RAD54B: variants seen among roughly 807,000 people sequenced by gnomAD.
RAD54B encodes RAD54 homolog B, also known as DNA repair and recombination protein RAD54B.
In RAD54B, 78 loss-of-function variants were observed where a neutral mutation model predicts 95.8. That is an observed-to-expected ratio of 0.81 (90% CI 0.68 to 0.98). The LOEUF (loss-of-function observed/expected upper bound fraction) is 0.98, where lower values mean the gene tolerates loss of function less well. RAD54B is among the 50% of genes least tolerant of loss of function. The probability of loss-of-function intolerance (pLI) is 0.00; values close to 1 mark genes in which losing one functional copy is unlikely to be tolerated. For synonymous variants in RAD54B, 328 were observed against 354.9 expected (o/e 0.92, Z 0.85); for missense variants, 957 against 1,056.6 (o/e 0.91, Z 1.31).
chr8:94,383,103 C>G (rs976373314), intron 11 of RAD54B, among the ~76,000 whole-genome samples: 4 of 151,948 alleles, frequency 2.6e-5, no homozygotes, highest in Admixed American at 2.6e-4. Context: ...TTGAGACCAA[C>G]CTGGGCAACA....
chr8:94,425,037 G>A (rs916152152), intron 3 of RAD54B, among the ~76,000 whole-genome samples: 5 of 133,150 alleles, frequency 3.8e-5, no homozygotes, highest in African/African-American at 1.4e-4. Context: ...ACTCCAGCCT[G>A]GGTGACAGAG....
Position 94,372,651 on chromosome 8 carries a change from T to A in RAD54B, c.2516-264A>T, listed in dbSNP as rs73270145. Among the ~76,000 whole-genome samples, 721 of 152,246 alleles carry A rather than the reference T, an allele frequency of 4.7e-3. 8 individuals are homozygous for A. The highest frequency in any genetic ancestry group is 0.017 in the African/African-American group (694 of 41,550). Reference sequence around the variant, plus strand: ...TACAGTCTAGTGGGAGAGATATACATTAAATAAATAATCATCTGAAAAATG... The same window carrying A: ...TACAGTCTAGTGGGAGAGATATACAATAAATAAATAATCATCTGAAAAATG... On this transcript the variant is annotated intron_variant, in intron 14 of 14. Transcript: ENST00000336148.
chr8:94,431,713 C>T lies in RAD54B; in HGVS notation c.305-20398G>A, dbSNP rs3136423. The T allele has an allele frequency of 1.4e-3, 1,368 of 985,484 alleles. 18 individuals carry two copies. The African/African-American group carries it at 0.022, about 16-fold the overall frequency. The allele number at this position is 985,484 out of a possible 1,614,324, so 61.0% of individuals were successfully genotyped here. On this transcript the variant is annotated intron_variant, in intron 3 of 14. Transcript: ENST00000336148. ...TAAAAGCATAAAAACCAATGTCATA[C>T]AGACAAGCTTCTTGGTATTAGGTTA... is the stretch of plus-strand genomic sequence containing the variant.
At chr8:94,430,549 T>A in intron 3 of RAD54B, 1 of 745,770 alleles carries the variant, frequency 1.3e-6, no homozygotes, top group Non-Finnish European at 1.6e-6. Flanking sequence ...GGTTTCTAAT[T>A]CACTTGGAAA....
At chr8:94,465,032 A>G (rs1008998079) in intron 2 of RAD54B, among the ~76,000 whole-genome samples, 10 of 152,140 alleles carry the variant, frequency 6.6e-5, no homozygotes, top group Admixed American at 2.6e-4. Context: ...CATGACCCAA[A>G]TATCTCCCAT....
chr8:94,391,575 A>G, intron 10 of RAD54B, 34 bp downstream of exon 10: 2 of 1,590,934 alleles, frequency 1.3e-6, no homozygotes, highest in Non-Finnish European at 1.7e-6. Flanking sequence ...GAACCCTCAT[A>G]TCCCTGACAC....
chr8:94,418,473 T>C (rs1811726318), intron 3 of RAD54B, among the ~76,000 whole-genome samples: 1 of 152,202 alleles, frequency 6.6e-6, no homozygotes, highest in Admixed American at 6.5e-5. Context: ...TAAATTTTCA[T>C]ACAGTAAAAT....
chr8:94,376,748 TTA>T (rs903556656), intron 14 of RAD54B, among the ~76,000 whole-genome samples: 17 of 148,606 alleles, frequency 1.1e-4, no homozygotes, highest in African/African-American at 2.9e-4. Flanking sequence ...AGTTATATAT[TTA>T]TATATGACAT....
chr8:94,376,714 TTATA>T (rs896633008), intron 14 of RAD54B, among the ~76,000 whole-genome samples: 1 of 148,632 alleles, frequency 6.7e-6, no homozygotes, highest in Non-Finnish European at 1.5e-5. Flanking sequence ...TTGTGCATGA[TTATA>T]TTTATTATAT....
At position 94,428,324 on chromosome 8, in the gene RAD54B, G is replaced by GAT. The variant is rs1811995834; in HGVS notation, c.305-17011_305-17010dup. 6.1e-6 allele frequency: 6 copies of GAT among 983,384 alleles called. No individual in the cohort carries two copies. In the South Asian group the frequency reaches 2.4e-4, roughly 39 times the overall value. The allele number at this position is 983,384 out of a possible 1,614,324, so 60.9% of individuals were successfully genotyped here. On this transcript the variant is annotated intron_variant, in intron 3 of 14. Coordinates refer to ENST00000336148, the MANE Select transcript of RAD54B (RefSeq NM_012415.3). Reference sequence around the variant, plus strand: ...TCATGGACCCCAAACAATTGTCTATGATATGCAAGATGTCTGGTGGCTTAA... The same window carrying GAT: ...TCATGGACCCCAAACAATTGTCTATGATATATGCAAGATGTCTGGTGGCTTAA...
intron 5 of RAD54B, among the ~76,000 whole-genome samples, chr8:94,405,187 A>G (rs568320903): frequency 6.6e-6 from 1 of 152,276 alleles, no homozygotes. Flanking sequence ...TGCTAACACA[A>G]TTTAAAAGAT....
At chr8:94,416,164 T>C (rs1415685039) in intron 3 of RAD54B, among the ~76,000 whole-genome samples, 13 of 151,392 alleles carry the variant, frequency 8.6e-5, no homozygotes, top group African/African-American at 2.4e-4. Context: ...GGCACATATA[T>C]ACCATGGAAT....
At chr8:94,453,465 G>A (rs538751594) in intron 3 of RAD54B, among the ~76,000 whole-genome samples, 2 of 152,188 alleles carry the variant, frequency 1.3e-5, no homozygotes, top group East Asian at 3.9e-4. Flanking sequence ...AGAGGCAGAG[G>A]TTGCAGTGAG....
In RAD54B at chr8:94,393,900, T is replaced by C. The variant is rs779201796; in HGVS notation, c.1379-18A>G. ...TGGAGTACCTAAAGAGAGACAAAAA[T>C]GAGTAAAAGGTCAAGTTTGTGTTTT... On this transcript the variant is annotated intron_variant, in intron 8 of 14. Transcript: ENST00000336148. 13 of 1,567,318 alleles carry C rather than the reference T, an allele frequency of 8.3e-6. 1 individual carries two copies. The South Asian group carries it at 1.4e-4, about 17-fold the overall frequency.
At chr8:94,458,635 G>A (rs1812832273) in intron 2 of RAD54B, among the ~76,000 whole-genome samples, 199 bp from the exon 3 acceptor site, 2 of 152,200 alleles carry the variant, frequency 1.3e-5, no homozygotes, top group Admixed American at 1.3e-4. Context: ...GGGAGGCCGA[G>A]GCGGGTGAAT....
chr8:94,437,982 T>C (rs1256700507), intron 3 of RAD54B, among the ~76,000 whole-genome samples: 1 of 152,224 alleles, frequency 6.6e-6, no homozygotes, highest in Non-Finnish European at 1.5e-5. Context: ...TACTTGAACA[T>C]AGTTCTATCC....
At chr8:94,432,419 T>C (rs1203305875) in intron 3 of RAD54B, 1 of 1,550,468 alleles carries the variant, frequency 6.4e-7, no homozygotes, top group Non-Finnish European at 8.7e-7. Context: ...ATGGAGACGA[T>C]GTCATTCTCA....
intron 11 of RAD54B, among the ~76,000 whole-genome samples, chr8:94,381,219 C>T (rs968834248): frequency 3.3e-5 from 5 of 152,160 alleles, no homozygotes; most frequent in African/African-American, 1.2e-4. Flanking sequence ...CAGCCAGGCA[C>T]CCCATATGCC....
Position 94,392,957 on chromosome 8 carries a change from G to A in RAD54B, c.1518+786C>T, listed in dbSNP as rs573612378. Among the ~76,000 whole-genome samples the A allele has an allele frequency of 3.3e-5, 5 of 150,912 alleles. No homozygotes were observed. In the South Asian group the frequency reaches 1.1e-3, roughly 32 times the overall value. On this transcript the variant is annotated intron_variant, in intron 9 of 14. Coordinates refer to ENST00000336148, the MANE Select transcript of RAD54B (RefSeq NM_012415.3). ...GTTCAAGTGATTCTCCTGAGTAGCT[G>A]GGACTACAGGCATGTGCCACCATGC... is the stretch of plus-strand genomic sequence containing the variant.
Sources: gnomAD v4.1 joint callset for allele counts (sites outside exome capture counted in the v4.1 genomes callset) on GRCh38, gnomAD v4.1.1 for gene constraint, MANE v1.5 for transcripts, NCBI Gene and HGNC (gene_info 2026-07-23, HGNC 2026-07-21) for gene names.